The following INTS7 variants were observed in gnomAD, a reference collection of about 807,000 sequenced individuals.
The protein encoded by INTS7 is chromosome 1 open reading frame 73.
In INTS7, 46 loss-of-function variants were observed where a neutral mutation model predicts 109.2. That is an observed-to-expected ratio of 0.42 (90% CI 0.33 to 0.54). INTS7 has a LOEUF of 0.54. Ranked by LOEUF, INTS7 falls within the 20% of genes least tolerant of loss-of-function variation. INTS7 has a pLI of 0.07. For synonymous variants in INTS7, 412 were observed against 402.9 expected (o/e 1.02, Z -0.27); for missense variants, 929 against 1,132.4 (o/e 0.82, Z 2.58).
chr1:211,989,420 A>T (rs1204424285), intron 7 of INTS7, among the ~76,000 whole-genome samples: 1 of 152,100 alleles, frequency 6.6e-6, no homozygotes, highest in Non-Finnish European at 1.5e-5. Flanking sequence ...AACTGTAAAA[A>T]GTACTATGAG....
rs1048625186 is a variant in INTS7, at chr1:212,021,064, A to C, written c.224+19T>G. The C allele has an allele frequency of 6.3e-7, 1 of 1,587,790 alleles. No homozygotes were observed. The highest frequency in any genetic ancestry group is 8.5e-7 in the Non-Finnish European group (1 of 1,170,294). Reference sequence around the variant, plus strand: ...ATGAACAAAGTACTTTAGGACATCGAGAATTTAAAAAGACTTACCCAACTC... The same window carrying C: ...ATGAACAAAGTACTTTAGGACATCGCGAATTTAAAAAGACTTACCCAACTC... On this transcript the variant is annotated intron_variant, in intron 2 of 19. Coordinates refer to ENST00000366994, the MANE Select transcript of INTS7 (RefSeq NM_015434.4).
chr1:212,025,281 G>C (rs370944148), intron 1 of INTS7, among the ~76,000 whole-genome samples: 2 of 152,214 alleles, frequency 1.3e-5, no homozygotes, highest in African/African-American at 4.8e-5. Flanking sequence ...TTATGGAAGA[G>C]GCAAAACTAT....
chr1:212,014,915 T>C (rs141482228), intron 4 of INTS7, among the ~76,000 whole-genome samples: 3,964 of 152,314 alleles, frequency 0.026, 57 homozygotes, highest in African/African-American at 0.046. Flanking sequence ...CCCAGCCGCC[T>C]GCCTTGGCCT....
intron 1 of INTS7, among the ~76,000 whole-genome samples, chr1:212,024,977 C>T (rs1666856692): frequency 6.6e-6 from 1 of 152,204 alleles, no homozygotes; most frequent in Non-Finnish European, 1.5e-5. Context: ...CCTAAATGCG[C>T]AACTAGACTT....
chr1:212,002,492 T>C (rs1665716421), intron 7 of INTS7, among the ~76,000 whole-genome samples: 1 of 152,210 alleles, frequency 6.6e-6, no homozygotes, highest in South Asian at 2.1e-4. Flanking sequence ...TATTCTTCCC[T>C]ACCATCACCT....
intron 1 of INTS7, among the ~76,000 whole-genome samples, chr1:212,029,443 A>G (rs1236559508): frequency 6.6e-6 from 1 of 152,056 alleles, no homozygotes; most frequent in Non-Finnish European, 1.5e-5. Context: ...GGACACTTCA[A>G]CTCTTCCTTC....
chr1:212,035,207 C>A, intron 1 of INTS7, 137 bp downstream of exon 1: 1 of 664,086 alleles, frequency 1.5e-6, no homozygotes, highest in Admixed American at 2.4e-5. Flanking sequence ...GCCCACGCCC[C>A]AGCAAAAGCA....
At chr1:211,992,639 T>C (rs12747761) in intron 7 of INTS7, among the ~76,000 whole-genome samples, 10,363 of 152,132 alleles carry the variant, frequency 0.068, 445 homozygotes, top group Admixed American at 0.13. Context: ...GCTACAATTG[T>C]GGTACAGCAC....
chr1:211,963,246 G>A (rs1663722334), intron 16 of INTS7, among the ~76,000 whole-genome samples: 1 of 152,026 alleles, frequency 6.6e-6, no homozygotes, highest in Admixed American at 6.5e-5. Context: ...TAGAAGGAAT[G>A]GATAAATTCC....
intron 15 of INTS7, among the ~76,000 whole-genome samples, chr1:211,966,837 AT>A (rs1663904214): frequency 6.6e-6 from 1 of 152,184 alleles, no homozygotes; most frequent in African/African-American, 2.4e-5. Flanking sequence ...AAACAAGCAA[AT>A]AAAGCTTTCA....
intron 8 of INTS7, among the ~76,000 whole-genome samples, chr1:211,984,872 T>A (rs1318121841): frequency 6.6e-6 from 1 of 152,222 alleles, no homozygotes; most frequent in African/African-American, 2.4e-5. Context: ...TATTTTCTTT[T>A]TAGTAAACTG....
At chr1:211,962,849 T>C (rs994748067) in intron 16 of INTS7, among the ~76,000 whole-genome samples, 1 of 152,122 alleles carries the variant, frequency 6.6e-6, no homozygotes, top group African/African-American at 2.4e-5. Flanking sequence ...AGAAACAACA[T>C]ACCAGAATCT....
In INTS7 at chr1:212,034,882, C is replaced by T. The variant is rs979756913; in HGVS notation, c.94+462G>A. Among the ~76,000 whole-genome samples, 6 of 152,296 alleles carry T rather than the reference C, an allele frequency of 3.9e-5. No homozygotes were observed. In the East Asian group the frequency reaches 1.2e-3, roughly 29 times the overall value. On this transcript the variant is annotated intron_variant, in intron 1 of 19. Transcript: ENST00000366994. ...GGCCCTTGCTTTTTTATGGTCTTGG[C>T]CAGGTTTAGCCTGCCTTGTAACCCG...
chr1:211,990,341 T>C (rs570720867), intron 7 of INTS7, among the ~76,000 whole-genome samples: 12 of 151,704 alleles, frequency 7.9e-5, no homozygotes, highest in African/African-American at 1.9e-4. Flanking sequence ...TCCCCCATAT[T>C]AAGAGGTAAA....
At chr1:212,011,748 C>G (rs1023980950) in intron 4 of INTS7, 1 of 214,554 alleles carries the variant, frequency 4.7e-6, no homozygotes. Flanking sequence ...CTTTTTCACT[C>G]CTATATTTCT....
At chr1:212,014,889 G>C (rs946368749) in intron 4 of INTS7, among the ~76,000 whole-genome samples, 1 of 152,178 alleles carries the variant, frequency 6.6e-6, no homozygotes, top group African/African-American at 2.4e-5. Context: ...ATCTCCGCTC[G>C]CTATAACCTC....
chr1:211,952,848 A>C, intron 16 of INTS7, 147 bp from the exon 17 acceptor site: 1 of 793,002 alleles, frequency 1.3e-6, no homozygotes, highest in South Asian at 1.8e-5. Flanking sequence ...TGAGGCTAGG[A>C]GAGGGTAAGT....
At chr1:212,007,709 C>T (rs1453197427) in intron 5 of INTS7, among the ~76,000 whole-genome samples, 1 of 152,082 alleles carries the variant, frequency 6.6e-6, no homozygotes, top group Non-Finnish European at 1.5e-5. Context: ...CAGTAGAAAG[C>T]AAAGTCATAT....
At position 211,946,466 on chromosome 1, in the gene INTS7, ACT is replaced by A; in HGVS notation, c.2415+139_2415+140del. On this transcript the variant is annotated intron_variant, in intron 18 of 19. Coordinates refer to ENST00000366994, the MANE Select transcript of INTS7 (RefSeq NM_015434.4). The surrounding 1 kb of genome is among the most constrained non-coding windows in gnomAD (Gnocchi z 4.3). ...ACTCCAGCCCAGGCGACAGGGCGAGACTCTGTCTCAAAAAACAAAACAAAACA... is the reference window on the plus strand; with the variant it reads ...ACTCCAGCCCAGGCGACAGGGCGAGACTGTCTCAAAAAACAAAACAAAACA... 1 of 548,412 alleles carries A rather than the reference ACT, an allele frequency of 1.8e-6. No homozygotes were observed. The highest frequency in any genetic ancestry group is 3.2e-6 in the Non-Finnish European group (1 of 310,646). The allele number at this position is 548,412 out of a possible 1,614,324, so 34.0% of individuals were successfully genotyped here.
Sources: allele counts gnomAD v4.1 joint callset (sites outside exome capture counted in the v4.1 genomes callset), GRCh38; gene constraint gnomAD v4.1.1; non-coding constraint Gnocchi (gnomAD v3.1); transcripts MANE v1.5; gene names NCBI Gene and HGNC (gene_info 2026-07-23, HGNC 2026-07-21).